KLK11: variants seen among roughly 807,000 people sequenced by gnomAD.
KLK11 encodes the protein kallikrein-11.
In KLK11, 10 loss-of-function variants were observed where a neutral mutation model predicts 23.4. That is an observed-to-expected ratio of 0.43 (90% CI 0.26 to 0.73). The LOEUF is 0.73. KLK11 is among the 30% of genes least tolerant of loss of function. The pLI is 0.22. For missense variants in KLK11, 285 were observed against 327.8 expected (o/e 0.87, Z 1.01); for synonymous variants, 131 against 131.7 (o/e 0.99, Z 0.03).
At position 51,024,448 on chromosome 19, in the gene KLK11, C is replaced by T. The variant is rs1220059981; in HGVS notation, c.198-138G>A. 2.1e-6 allele frequency: 3 copies of T among 1,406,440 alleles called. No homozygotes were observed. The highest frequency in any genetic ancestry group is 2.0e-4 in the Middle Eastern group (1 of 5,092). 87.1% of individuals were successfully genotyped at this position (1,406,440 alleles called of 1,614,324 possible). Reference sequence around the variant, plus strand: ...CACGTCTCCCACCGAAGCCCCCTTCCCAGCCATAGCCCCATCCCAACCCCA... The same window carrying T: ...CACGTCTCCCACCGAAGCCCCCTTCTCAGCCATAGCCCCATCCCAACCCCA... On this transcript the variant is annotated intron_variant, in intron 3 of 5. Transcript: ENST00000453757. The surrounding 1 kb of genome is among the most constrained non-coding windows in gnomAD (Gnocchi z 6.2).
Position 51,025,708 on chromosome 19 carries a change from G to C in KLK11, c.-35-42C>G. 3.6e-6 allele frequency: 3 copies of C among 844,638 alleles called. No homozygotes were observed. The highest frequency in any genetic ancestry group is 5.5e-6 in the Non-Finnish European group (3 of 543,508). The allele number at this position is 844,638 out of a possible 1,614,324, so 52.3% of individuals were successfully genotyped here. On this transcript the variant is annotated intron_variant, in intron 1 of 5. Transcript: ENST00000453757. The surrounding 1 kb of genome is among the most constrained non-coding windows in gnomAD (Gnocchi z 6.2). ...ACATGGGGCCGCATCACTTTACGGG[G>C]AAATCGGGAGGGGGGGGCTGGCTCA... is the stretch of plus-strand genomic sequence containing the variant.
Position 51,024,086 on chromosome 19 carries a change from C to G in KLK11, c.422G>C (p.Ser141Thr), listed in dbSNP as rs758082266. 1 of 1,564,056 alleles carries G rather than the reference C, an allele frequency of 6.4e-7. No individual in the cohort carries two copies. Among genetic ancestry groups the G allele is most frequent in the East Asian group, 2.3e-5 (1 of 44,006 alleles). Reference protein sequence around the residue: ...LSSRCVTAGTSCLISGWGSTS... With the variant: ...LSSRCVTAGTTCLISGWGSTS... ...GCTGCCCCAGCCGGAAATGAGGCAG[C>G]TGGTGCCAGCAGTGACACAGCGTGA... The change falls in exon 4 of 6, where the codon AGC becomes ACC. Residue 141 changes from serine (S) to threonine (T), a missense_variant. Transcript: ENST00000453757. The surrounding 1 kb of genome is among the most constrained non-coding windows in gnomAD (Gnocchi z 6.2).
In KLK11 at chr19:51,024,246, T is replaced by C; in HGVS notation, c.262A>G (p.Thr88Ala). The C allele has an allele frequency of 6.2e-7, 1 of 1,613,962 alleles. No homozygotes were observed. The highest frequency in any genetic ancestry group is 1.1e-5 in the South Asian group (1 of 91,076). The stretch of plus-strand genomic sequence containing the variant: ...GGGTGGGGGAAGGACTCAGTGGCTG[T>C]CCGGGTCTGCTCACAGCCCTCCTCC... ...QKEEGCEQTR[T>A]ATESFPHPGF... The change falls in exon 4 of 6, where the codon ACA (threonine) becomes GCA (alanine). Residue 88 changes from threonine (T) to alanine (A), a missense_variant. Physicochemically the swap from Thr to Ala is moderately conservative, Grantham distance 58. Transcript: ENST00000453757. The surrounding 1 kb of genome is among the most constrained non-coding windows in gnomAD (Gnocchi z 6.2).
chr19:51,023,958 C>T lies in KLK11; in HGVS notation c.463+87G>A, dbSNP rs111482840. On this transcript the variant is annotated intron_variant, in intron 4 of 5. Transcript: ENST00000453757. ...ACTTATCCCACATCGTCACTGTGAA[C>T]CGCATCTCTGATGCCCTGAACCCTT... 1.9e-4 allele frequency: 208 copies of T among 1,110,298 alleles called. No individual in the cohort carries two copies. In the African/African-American group the frequency reaches 2.6e-3, roughly 14 times the overall value. The allele number at this position is 1,110,298 out of a possible 1,614,324, so 68.8% of individuals were successfully genotyped here.
rs746262085 is a variant in KLK11, at chr19:51,024,821, G to T, written c.41-27C>A. Reference sequence around the variant, plus strand: ...TGGAGGGGGTGAGAGCAAAAGAAGGGGCTCAGGAAGGAGAGGTGGTAGACC... The same window carrying T: ...TGGAGGGGGTGAGAGCAAAAGAAGGTGCTCAGGAAGGAGAGGTGGTAGACC... On this transcript the variant is annotated intron_variant, in intron 2 of 5. Transcript: ENST00000453757. The surrounding 1 kb of genome is among the most constrained non-coding windows in gnomAD (Gnocchi z 6.2). 6.5e-7 allele frequency: 1 copy of T among 1,531,114 alleles called. No individual in the cohort carries two copies. Among genetic ancestry groups the T allele is most frequent in the South Asian group, 1.3e-5 (1 of 78,298 alleles). The allele number at this position is 1,531,114 out of a possible 1,614,324, so 94.8% of individuals were successfully genotyped here.
At chr19:51,023,383 G>GC (rs71333925) in intron 4 of KLK11, 155 bp from the exon 5 acceptor site, 1 of 608,558 alleles carries the variant, frequency 1.6e-6, no homozygotes, top group Middle Eastern at 5.3e-4. Flanking sequence ...ATGCTATCCA[G>GC]CTTTTTTTTT....
At chr19:51,027,334 G>A, upstream of KLK11, 4 of 992,748 alleles carry the variant, frequency 4.0e-6, no homozygotes, top group Non-Finnish European at 6.2e-6. Context: ...GTCCAGGAAA[G>A]GGAACAGAGC....
At position 51,024,091 on chromosome 19, in the gene KLK11, G is replaced by A; in HGVS notation, c.417C>T (p.Gly139=). 1 of 1,570,228 alleles carries A rather than the reference G, an allele frequency of 6.4e-7. No homozygotes were observed. The highest frequency in any genetic ancestry group is 8.7e-7 in the Non-Finnish European group (1 of 1,152,792). Residue 139 remains glycine (G), a synonymous_variant, in exon 4 of 6, where the codon GGC becomes GGT. Transcript: ENST00000453757. The surrounding 1 kb of genome is among the most constrained non-coding windows in gnomAD (Gnocchi z 6.2). Reference sequence around the variant, plus strand: ...CCCAGCCGGAAATGAGGCAGCTGGTGCCAGCAGTGACACAGCGTGAGGAGA... The same window carrying A: ...CCCAGCCGGAAATGAGGCAGCTGGTACCAGCAGTGACACAGCGTGAGGAGA... ...LTLSSRCVTA[G]TSCLISGWGS... is the part of the protein sequence containing the mutation.
At position 51,024,705 on chromosome 19, in the gene KLK11, G is replaced by T; in HGVS notation, c.130C>A (p.Arg44=). 1.2e-6 allele frequency: 2 copies of T among 1,600,782 alleles called. No homozygotes were observed. Among genetic ancestry groups the T allele is most frequent in the Non-Finnish European group, 1.7e-6 (2 of 1,175,944 alleles). Residue 44 remains arginine (R), a synonymous_variant, in exon 3 of 6, where the codon CGG becomes AGG. Coordinates refer to ENST00000453757, the MANE Select transcript of KLK11 (RefSeq NM_001136032.3). This position sits in a 1 kb window ranked among gnomAD's most constrained non-coding sequence, Gnocchi z 6.2. ...ATGAGCGTCGCCCCACAGAGTAGCC[G>T]CGTCTTCTCGAACAGGGCTGCCTGC... ...PWQAALFEKT[R]LLCGATLIAP... is the part of the protein sequence containing the mutation.
rs2091451575 is a variant in KLK11 at position 51,024,535 on chromosome 19, C to T, written c.197+103G>A. The stretch of plus-strand genomic sequence containing the variant: ...CAACCTTGCTGACACTACCCATCCC[C>T]ATCTCTAATCCCCTTACCAGCACCC... On this transcript the variant is annotated intron_variant, in intron 3 of 5. Transcript: ENST00000453757. This position sits in a 1 kb window ranked among gnomAD's most constrained non-coding sequence, Gnocchi z 6.2. 3 of 1,313,890 alleles carry T rather than the reference C, an allele frequency of 2.3e-6. No homozygotes were observed. The highest frequency in any genetic ancestry group is 2.7e-5 in the Admixed American group (1 of 37,414). 81.4% of individuals were successfully genotyped at this position (1,313,890 alleles called of 1,614,324 possible).
In KLK11 at chr19:51,022,476, A is replaced by G. The variant is rs554898755; in HGVS notation, c.*69T>C. ...GGGTCTTGGCTTAGGGTTTCTTATTAACAGAGTGAACAGGAACCAAACACC... is the reference window on the plus strand; with the variant it reads ...GGGTCTTGGCTTAGGGTTTCTTATTGACAGAGTGAACAGGAACCAAACACC... On this transcript the variant is annotated 3_prime_UTR_variant, in exon 6 of 6. Coordinates refer to ENST00000453757, the MANE Select transcript of KLK11 (RefSeq NM_001136032.3). The G allele has an allele frequency of 3.1e-6, 5 of 1,588,188 alleles. No homozygotes were observed. In the East Asian group the frequency reaches 6.7e-5, roughly 21 times the overall value.
At chr19:51,027,423 C>A (rs565014870), upstream of KLK11, 5 of 1,609,726 alleles carry the variant, frequency 3.1e-6, no homozygotes, top group Non-Finnish European at 4.2e-6. Context: ...TTCTCCCTGC[C>A]GCCCAGGCAG....
At position 51,022,438 on chromosome 19, in the gene KLK11, G is replaced by T. The variant is rs1000852292; in HGVS notation, c.*107C>A. ...TCTCCTGTAGTCCAGGAGGCCCAAA[G>T]AATGTTCGTAGAGGGTCTTGGCTTA... On this transcript the variant is annotated 3_prime_UTR_variant, in exon 6 of 6. Coordinates refer to ENST00000453757, the MANE Select transcript of KLK11 (RefSeq NM_001136032.3). 7.3e-7 allele frequency: 1 copy of T among 1,377,178 alleles called. No individual in the cohort carries two copies. 85.3% of individuals were successfully genotyped at this position (1,377,178 alleles called of 1,614,324 possible).
intron 4 of KLK11, 191 bp downstream of exon 4, chr19:51,023,854 C>T: frequency 2.0e-6 from 1 of 506,750 alleles, no homozygotes; most frequent in Non-Finnish European, 3.4e-6. Flanking sequence ...TGTATGATTG[C>T]ATATCCCGTC....
At chr19:51,023,394 T>C in intron 4 of KLK11, 166 bp from the exon 5 acceptor site, 1 of 800,378 alleles carries the variant, frequency 1.2e-6, no homozygotes, top group Non-Finnish European at 1.9e-6. Flanking sequence ...CTTTTTTTTT[T>C]TTTTTTTCGA....
chr19:51,022,688 C>T lies in KLK11; in HGVS notation c.610G>A (p.Gly204Arg), dbSNP rs200479848. 4.3e-6 allele frequency: 7 copies of T among 1,612,932 alleles called. No individual in the cohort carries two copies. The highest frequency in any genetic ancestry group is 2.2e-5 in the East Asian group (1 of 44,880). Residue 204 changes from glycine (G) to arginine (R), a missense_variant, in exon 6 of 6, where the codon GGG becomes AGG. Gly to Arg is a moderately radical substitution (Grantham distance 125). Coordinates refer to ENST00000453757, the MANE Select transcript of KLK11 (RefSeq NM_001136032.3). ...GGKDSCQGDS[G>R]GPLVCNQSLQ... is the part of the protein sequence containing the mutation. Reference sequence around the variant, plus strand: ...GACTGGTTACAGACCAGAGGGCCCCCGGAGTCACCCTGGGCACGGGGAGAG... The same window carrying T: ...GACTGGTTACAGACCAGAGGGCCCCTGGAGTCACCCTGGGCACGGGGAGAG...
chr19:51,024,412 C>A lies in KLK11; in HGVS notation c.198-102G>T. 3.3e-6 allele frequency: 5 copies of A among 1,522,140 alleles called. No individual in the cohort carries two copies. Among genetic ancestry groups the A allele is most frequent in the Non-Finnish European group, 3.5e-6 (4 of 1,129,672 alleles). 94.3% of individuals were successfully genotyped at this position (1,522,140 alleles called of 1,614,324 possible). A position where few individuals can be genotyped will look rare whatever the true frequency, so the allele number is the denominator to read the frequency against. ...AGGATGAAGAAACATCGCTCTGCTTCCAACCTCTTCCACGTCTCCCACCGA... is the reference window on the plus strand; with the variant it reads ...AGGATGAAGAAACATCGCTCTGCTTACAACCTCTTCCACGTCTCCCACCGA... On this transcript the variant is annotated intron_variant, in intron 3 of 5. Coordinates refer to ENST00000453757, the MANE Select transcript of KLK11 (RefSeq NM_001136032.3). The surrounding 1 kb of genome is among the most constrained non-coding windows in gnomAD (Gnocchi z 6.2).
chr19:51,024,611 C>A lies in KLK11; in HGVS notation c.197+27G>T, dbSNP rs570049989. The A allele has an allele frequency of 2.0e-6, 3 of 1,474,948 alleles. No homozygotes were observed. Among genetic ancestry groups the A allele is most frequent in the South Asian group, 1.3e-5 (1 of 75,462 alleles). 91.4% of individuals were successfully genotyped at this position (1,474,948 alleles called of 1,614,324 possible). ...TCTCCCCATTCCCAGCCCCCCACCC[C>A]GGCACCGCCCCAGCCCCCGCACCCA... On this transcript the variant is annotated intron_variant, in intron 3 of 5. Coordinates refer to ENST00000453757, the MANE Select transcript of KLK11 (RefSeq NM_001136032.3). The surrounding 1 kb of genome is among the most constrained non-coding windows in gnomAD (Gnocchi z 6.2).
Position 51,023,078 on chromosome 19 carries a change from G to T in KLK11, c.600+14C>A, listed in dbSNP as rs1173753862. 6.3e-7 allele frequency: 1 copy of T among 1,595,852 alleles called. No individual in the cohort carries two copies. Among genetic ancestry groups the T allele is most frequent in the African/African-American group, 1.3e-5 (1 of 74,440 alleles). On this transcript the variant is annotated intron_variant, in intron 5 of 5. Transcript: ENST00000453757. ...GGGGATGGGGATGGGGCTGTGGTTG[G>T]AGACCACACTGACCTGGCAGGAGTC... is the stretch of plus-strand genomic sequence containing the variant.
Sources: allele counts gnomAD v4.1 joint callset, GRCh38; gene constraint gnomAD v4.1.1; non-coding constraint Gnocchi (gnomAD v3.1); transcripts MANE v1.5; gene names NCBI Gene and HGNC (gene_info 2026-07-23, HGNC 2026-07-21).